RXRA: variants seen among roughly 807,000 people sequenced by gnomAD.
RXRA encodes retinoic acid receptor RXR-alpha.
A neutral mutation model predicts 44.5 loss-of-function variants in RXRA; 5 were observed. The observed-to-expected ratio is 0.11, with a 90% CI of 0.06 to 0.24. The LOEUF (loss-of-function observed/expected upper bound fraction) is 0.24, where lower values mean the gene tolerates loss of function less well. Ranked by LOEUF, RXRA falls within the 10% of genes least tolerant of loss-of-function variation. RXRA has a pLI of 1.00. For missense variants in RXRA, 412 were observed against 646.5 expected, an observed-to-expected ratio of 0.64 and a Z score of 3.93; for synonymous variants, 291 against 271.4, an observed-to-expected ratio of 1.07 and a Z score of -0.71.
chr9:134,345,093 G>T (rs188183374), intron 1 of RXRA, among the ~76,000 whole-genome samples: 1 of 152,224 alleles, frequency 6.6e-6, no homozygotes, highest in Non-Finnish European at 1.5e-5. Flanking sequence ...CCAGACTCCA[G>T]CTCTCTCCAG....
intron 1 of RXRA, among the ~76,000 whole-genome samples, chr9:134,369,341 T>C (rs1588269087): frequency 1.2e-5 from 1 of 81,582 alleles, no homozygotes; most frequent in South Asian, 4.6e-4. Context: ...GGGTTATGTG[T>C]GTGTGAGTGC....
intron 1 of RXRA, chr9:134,379,790 A>G (rs1830614259): frequency 1.0e-6 from 1 of 985,096 alleles, no homozygotes; most frequent in Non-Finnish European, 1.2e-6. Context: ...AGCTGCCCCT[A>G]AGGATGGAGC....
chr9:134,334,576 A>T (rs183072052), intron 1 of RXRA, among the ~76,000 whole-genome samples: 1 of 152,174 alleles, frequency 6.6e-6, no homozygotes, highest in African/African-American at 2.4e-5. Context: ...AGCTCTCTAC[A>T]TGGTGGGGCT....
intron 1 of RXRA, among the ~76,000 whole-genome samples, chr9:134,328,635 GA>G (rs1404016904): frequency 6.6e-6 from 1 of 152,182 alleles, no homozygotes; most frequent in Non-Finnish European, 1.5e-5. Flanking sequence ...CAGAGCAGTC[GA>G]AGGTCCATTT....
In RXRA at chr9:134,342,648, G is replaced by C. The variant is rs1476218752; in HGVS notation, c.28+15989G>C. Among the ~76,000 whole-genome samples the C allele has an allele frequency of 6.6e-6, 1 of 152,168 alleles. No individual in the cohort carries two copies. Among genetic ancestry groups the C allele is most frequent in the Non-Finnish European group, 1.5e-5 (1 of 68,010 alleles). On this transcript the variant is annotated intron_variant, in intron 1 of 9. Coordinates refer to ENST00000481739, the MANE Select transcript of RXRA (RefSeq NM_002957.6). This position sits in a 1 kb window ranked among gnomAD's most constrained non-coding sequence, Gnocchi z 4.4. The stretch of plus-strand genomic sequence containing the variant: ...AGGTGGTGGGGCTGCGGGGCTGCGG[G>C]AGGAGGCCCCTGTGGTTCCCACAGG...
In RXRA at chr9:134,342,743, T is replaced by C. The variant is rs1554748241; in HGVS notation, c.28+16084T>C. ...CTGACCTGGTGGGTTTGGGGGAACCTGGCCCCATAGGAGAGTGGACAGCGC... is the reference window on the plus strand; with the variant it reads ...CTGACCTGGTGGGTTTGGGGGAACCCGGCCCCATAGGAGAGTGGACAGCGC... On this transcript the variant is annotated intron_variant, in intron 1 of 9. Transcript: ENST00000481739. This position sits in a 1 kb window ranked among gnomAD's most constrained non-coding sequence, Gnocchi z 4.4. Among the ~76,000 whole-genome samples, 1 of 152,104 alleles carries C rather than the reference T, an allele frequency of 6.6e-6. No homozygotes were observed. Among genetic ancestry groups the C allele is most frequent in the Non-Finnish European group, 1.5e-5 (1 of 67,994 alleles).
intron 1 of RXRA, among the ~76,000 whole-genome samples, chr9:134,361,754 T>G (rs984913500): frequency 3.3e-5 from 5 of 152,230 alleles, no homozygotes; most frequent in African/African-American, 1.2e-4. Context: ...CTTCCAGGAC[T>G]GCCTGCCACC....
chr9:134,369,905 C>T (rs893294328), intron 1 of RXRA, among the ~76,000 whole-genome samples: 1 of 152,288 alleles, frequency 6.6e-6, no homozygotes, highest in South Asian at 2.1e-4. Flanking sequence ...TGCATGAGCC[C>T]AGCATGTGTA....
intron 6 of RXRA, chr9:134,422,601 T>C: frequency 1.2e-6 from 1 of 854,406 alleles, no homozygotes; most frequent in Non-Finnish European, 1.3e-6. Context: ...CACTCCCCGC[T>C]CCCAGGACGC....
intron 1 of RXRA, among the ~76,000 whole-genome samples, chr9:134,357,392 C>G (rs555027704): frequency 6.6e-6 from 1 of 152,214 alleles, no homozygotes; most frequent in Non-Finnish European, 1.5e-5. Flanking sequence ...AGAGCTGATT[C>G]GCACCTTGGC....
At chr9:134,393,967 C>T (rs1238101501) in intron 1 of RXRA, among the ~76,000 whole-genome samples, 1 of 151,970 alleles carries the variant, frequency 6.6e-6, no homozygotes, top group African/African-American at 2.4e-5. Context: ...CCTCAACTTG[C>T]TCAGTATGGC....
intron 3 of RXRA, among the ~76,000 whole-genome samples, chr9:134,408,673 G>A (rs950297267): frequency 1.3e-5 from 2 of 152,250 alleles, no homozygotes; most frequent in Admixed American, 1.3e-4. Context: ...AGAACGGGCT[G>A]CACAGTGCAG....
At chr9:134,395,467 G>T (rs944867831) in intron 1 of RXRA, among the ~76,000 whole-genome samples, 2 of 152,256 alleles carry the variant, frequency 1.3e-5, no homozygotes, top group African/African-American at 4.8e-5. Context: ...GGCTCTGTGT[G>T]GGGCCGGCAG....
intron 1 of RXRA, among the ~76,000 whole-genome samples, chr9:134,395,910 G>A (rs1830870963): frequency 6.6e-6 from 1 of 152,244 alleles, no homozygotes; most frequent in African/African-American, 2.4e-5. Context: ...CACCTGAGCT[G>A]TAAGCTGACA....
At chr9:134,379,235 G>C in intron 1 of RXRA, 1 of 945,708 alleles carries the variant, frequency 1.1e-6, no homozygotes, top group Non-Finnish European at 1.2e-6. Flanking sequence ...CCTGATCCCT[G>C]TGGGCTCCCT....
rs1244341671 is a variant in RXRA, at chr9:134,401,835, T to G, written c.232T>G (p.Ser78Ala). 6.2e-7 allele frequency: 1 copy of G among 1,612,230 alleles called. No individual in the cohort carries two copies. The highest frequency in any genetic ancestry group is 8.5e-7 in the Non-Finnish European group (1 of 1,179,598). ...ISSPMGPHSM[S>A]VPTTPTLGFS... is the part of the protein sequence containing the mutation. ...CTCCCCCATGGGCCCCCACTCCATG[T>G]CGGTGCCCACCACACCCACCCTGGG... is the stretch of plus-strand genomic sequence containing the variant. Residue 78 changes from serine (S) to alanine (A), a missense_variant, in exon 2 of 10, where the codon TCG (serine) becomes GCG (alanine). Transcript: ENST00000481739.
At chr9:134,408,887 C>T (rs1831100562) in intron 3 of RXRA, 53 bp from the exon 4 acceptor site, 1 of 1,431,206 alleles carries the variant, frequency 7.0e-7, no homozygotes, top group Non-Finnish European at 9.2e-7. Context: ...GGGGGGTGGG[C>T]TCCCTGCCGG....
intron 1 of RXRA, among the ~76,000 whole-genome samples, chr9:134,356,960 A>G (rs944748041): frequency 2.6e-5 from 4 of 152,140 alleles, no homozygotes; most frequent in Non-Finnish European, 4.4e-5. Flanking sequence ...CCCAAGGCCC[A>G]TGCCCATGCC....
chr9:134,336,220 C>G (rs368116040), intron 1 of RXRA, among the ~76,000 whole-genome samples: 1 of 152,204 alleles, frequency 6.6e-6, no homozygotes, highest in African/African-American at 2.4e-5. Context: ...ACTGGAAGGG[C>G]AGTGGGGCCT....
Sources: gnomAD v4.1 joint callset for allele counts (sites outside exome capture counted in the v4.1 genomes callset) on GRCh38, gnomAD v4.1.1 for gene constraint, Gnocchi (gnomAD v3.1) non-coding constraint, MANE v1.5 for transcripts, NCBI Gene and HGNC (gene_info 2026-07-23, HGNC 2026-07-21) for gene names.